Variants in LIX1 observed in about 807,000 individuals in gnomAD.
LIX1 encodes protein limb expression 1 homolog.
In LIX1, 24 loss-of-function variants were observed where a neutral mutation model predicts 33.4. The ratio of observed to expected loss-of-function variants is 0.72; its 90% CI spans 0.52 to 1.01. The LOEUF (loss-of-function observed/expected upper bound fraction) is 1.01. LIX1 is among the 50% of genes least tolerant of loss of function. The pLI is 0.00. For missense variants in LIX1, 311 were observed against 339.2 expected (o/e 0.92, Z 0.65); for synonymous variants, 124 against 124.0 (o/e 1.00, Z 0.00).
Position 97,094,609 on chromosome 5 carries a change from TA to T in LIX1, c.*138del. On this transcript the variant is annotated 3_prime_UTR_variant, in exon 6 of 6. Coordinates refer to ENST00000274382, the MANE Select transcript of LIX1 (RefSeq NM_153234.5). Reference sequence around the variant, plus strand: ...AGGGTCCTACGACTCTCATACTCTGTAAATGGAATGTGTGGAGAGGGTTAGG... The same window carrying T: ...AGGGTCCTACGACTCTCATACTCTGTAATGGAATGTGTGGAGAGGGTTAGG... The T allele has an allele frequency of 1.3e-6, 1 of 741,248 alleles. No individual in the cohort carries two copies. Among genetic ancestry groups the T allele is most frequent in the Non-Finnish European group, 2.2e-6 (1 of 458,250 alleles). The allele number at this position is 741,248 out of a possible 1,614,324, so 45.9% of individuals were successfully genotyped here.
intron 1 of LIX1, among the ~76,000 whole-genome samples, chr5:97,132,165 C>T (rs1561504689): frequency 6.6e-6 from 1 of 152,166 alleles, no homozygotes; most frequent in Non-Finnish European, 1.5e-5. Context: ...ATTGGCATGT[C>T]TATGTGCTGA....
At chr5:97,111,307 AG>A (rs1655580762) in intron 2 of LIX1, among the ~76,000 whole-genome samples, 1 of 152,236 alleles carries the variant, frequency 6.6e-6, no homozygotes, top group Non-Finnish European at 1.5e-5. Context: ...CGTAAAGAAA[AG>A]AATGAAAGAT....
intron 4 of LIX1, chr5:97,102,945 T>C (rs1746793125): frequency 5.0e-6 from 2 of 396,246 alleles, no homozygotes; most frequent in Non-Finnish European, 9.8e-6. Context: ...GGAAGCATTA[T>C]GCCAGATGCT....
chr5:97,113,116 G>C (rs1747496108), intron 2 of LIX1, among the ~76,000 whole-genome samples: 1 of 152,220 alleles, frequency 6.6e-6, no homozygotes, highest in African/African-American at 2.4e-5. Flanking sequence ...TCACTGCCAT[G>C]TTATGAGCAG....
intron 2 of LIX1, among the ~76,000 whole-genome samples, chr5:97,123,779 C>T (rs1442416804): frequency 6.6e-6 from 1 of 152,162 alleles, no homozygotes; most frequent in Non-Finnish European, 1.5e-5. Flanking sequence ...CACATTAACC[C>T]TTATGCTTCC....
intron 2 of LIX1, among the ~76,000 whole-genome samples, chr5:97,114,791 A>G (rs2112778345): frequency 6.6e-6 from 1 of 152,336 alleles, no homozygotes; most frequent in Non-Finnish European, 1.5e-5. Context: ...TGAGGCTTAC[A>G]CAATTTGGGG....
chr5:97,102,657 G>A (rs976145344), intron 4 of LIX1, among the ~76,000 whole-genome samples: 7 of 151,598 alleles, frequency 4.6e-5, no homozygotes, highest in South Asian at 4.2e-4. Context: ...CATAGCCTAT[G>A]CAAAGCAATT....
In LIX1 at chr5:97,131,237, A is replaced by T. The variant is rs185469078; in HGVS notation, c.83-6608T>A. Among the ~76,000 whole-genome samples the T allele has an allele frequency of 2.5e-3, 365 of 147,102 alleles. 1 individual carries two copies. Among genetic ancestry groups the T allele is most frequent in the African/African-American group, 9.6e-3 (351 of 36,646 alleles). On this transcript the variant is annotated intron_variant, in intron 1 of 5. Transcript: ENST00000274382. ...AGTCTCATCACACCTCCCTGAACAC[A>T]TGTTGCTTATTTGTTATCTGTACCT... is the stretch of plus-strand genomic sequence containing the variant.
chr5:97,094,625 A>G lies in LIX1; in HGVS notation c.*123T>C. 1.2e-6 allele frequency: 1 copy of G among 833,484 alleles called. No individual in the cohort carries two copies. 51.6% of individuals were successfully genotyped at this position (833,484 alleles called of 1,614,324 possible). A position where few individuals can be genotyped will look rare whatever the true frequency, so the allele number is the denominator to read the frequency against. ...CATACTCTGTAAATGGAATGTGTGGAGAGGGTTAGGAGAGCCTTCAGGTAG... is the reference window on the plus strand; with the variant it reads ...CATACTCTGTAAATGGAATGTGTGGGGAGGGTTAGGAGAGCCTTCAGGTAG... On this transcript the variant is annotated 3_prime_UTR_variant, in exon 6 of 6. Transcript: ENST00000274382.
At chr5:97,110,999 A>G (rs1456124843) in intron 2 of LIX1, among the ~76,000 whole-genome samples, 1 of 152,122 alleles carries the variant, frequency 6.6e-6, no homozygotes, top group Non-Finnish European at 1.5e-5. Flanking sequence ...TAGGACATTG[A>G]GTCACCAATC....
chr5:97,120,772 GA>G (rs1325242902), intron 2 of LIX1, among the ~76,000 whole-genome samples: 5 of 152,116 alleles, frequency 3.3e-5, no homozygotes, highest in Non-Finnish European at 7.4e-5. Flanking sequence ...CCAGAGTAAG[GA>G]ATGTATGCTT....
chr5:97,130,525 G>A (rs1370907441), intron 1 of LIX1, among the ~76,000 whole-genome samples: 1 of 152,218 alleles, frequency 6.6e-6, no homozygotes, highest in African/African-American at 2.4e-5. Flanking sequence ...AGGGGTAGCA[G>A]TTGGGCTGAC....
chr5:97,112,134 A>G (rs186257738), intron 2 of LIX1, among the ~76,000 whole-genome samples: 57 of 152,352 alleles, frequency 3.7e-4, no homozygotes, highest in African/African-American at 1.3e-3. Flanking sequence ...TAGAACTACA[A>G]ATCTCAGCCA....
rs150070888 is a variant in LIX1, at chr5:97,126,265, C to A, written c.83-1636G>T. 4.9e-4 allele frequency among the ~76,000 whole-genome samples: 75 copies of A among 152,320 alleles called. 1 individual carries two copies. The highest frequency in any genetic ancestry group is 3.4e-3 in the Middle Eastern group (1 of 294). On this transcript the variant is annotated intron_variant, in intron 1 of 5. Transcript: ENST00000274382. ...CTTGGATCTGCTTTAAAATTCTGGA[C>A]AGTGACATTTTTCAGTGAGTCTGGA...
chr5:97,115,620 A>G (rs1371309853), intron 2 of LIX1, among the ~76,000 whole-genome samples: 1 of 152,196 alleles, frequency 6.6e-6, no homozygotes, highest in Non-Finnish European at 1.5e-5. Context: ...ACAGTTATTC[A>G]CACATGTGTT....
At chr5:97,096,431 G>A (rs758755166) in intron 5 of LIX1, among the ~76,000 whole-genome samples, 4 of 152,160 alleles carry the variant, frequency 2.6e-5, no homozygotes. Flanking sequence ...CTCCAGTGAC[G>A]AGGTTTCAGA....
intron 1 of LIX1, among the ~76,000 whole-genome samples, chr5:97,126,637 C>CTTTTTT (rs1016872695): frequency 1.5e-4 from 19 of 123,658 alleles, no homozygotes; most frequent in East Asian, 2.3e-4. Flanking sequence ...TATTTTCTTT[C>CTTTTTT]TTTTTTTTTT....
chr5:97,124,461 C>G lies in LIX1; in HGVS notation c.246+5G>C. 6.3e-7 allele frequency: 1 copy of G among 1,593,924 alleles called. No homozygotes were observed. The highest frequency in any genetic ancestry group is 8.6e-7 in the Non-Finnish European group (1 of 1,168,850). The stretch of plus-strand genomic sequence containing the variant: ...TTCACTGACAAATTAATGGCTACTT[C>G]TTACCTGAAAGTTGCCAAAACAGCT... On this transcript the variant is annotated splice_donor_5th_base_variant and intron_variant, in intron 2 of 5. Transcript: ENST00000274382.
chr5:97,111,105 C>A (rs1402206978), intron 2 of LIX1, among the ~76,000 whole-genome samples: 2 of 152,172 alleles, frequency 1.3e-5, no homozygotes, highest in Non-Finnish European at 2.9e-5. Flanking sequence ...GAGGCACTGA[C>A]CACACTGCAG....
Sources: allele counts gnomAD v4.1 joint callset (sites outside exome capture counted in the v4.1 genomes callset), GRCh38; gene constraint gnomAD v4.1.1; transcripts MANE v1.5; gene names NCBI Gene and HGNC (gene_info 2026-07-23, HGNC 2026-07-21).